The following AHCTF1 variants were observed in gnomAD, a reference collection of about 807,000 sequenced individuals.
The protein encoded by AHCTF1 is AT-hook containing transcription factor 1.
Under a neutral mutation model 248.4 loss-of-function variants are expected in AHCTF1, and 24 were observed. The observed-to-expected ratio is 0.10, with a 90% CI of 0.07 to 0.14. AHCTF1 has a LOEUF of 0.14. Among genes scored for constraint, AHCTF1 ranks in the 10% least tolerant of loss-of-function variants. AHCTF1 has a pLI of 1.00. For synonymous variants in AHCTF1, 786 were observed against 929.8 expected (o/e 0.85, Z 2.81); for missense variants, 2,206 against 2,636.2 (o/e 0.84, Z 3.57).
chr1:246,868,957 G>C (rs1238268504), intron 24 of AHCTF1, among the ~76,000 whole-genome samples: 1 of 150,004 alleles, frequency 6.7e-6, no homozygotes, highest in South Asian at 2.1e-4. Flanking sequence ...CCATTCTCCT[G>C]CCTCAGCCTG....
At position 246,860,785 on chromosome 1, in the gene AHCTF1, G is replaced by T. The variant is rs1661481862; in HGVS notation, c.4132+114C>A. The T allele has an allele frequency of 3.6e-6, 5 of 1,384,042 alleles. No individual in the cohort carries two copies. In the East Asian group the frequency reaches 9.4e-5, roughly 26 times the overall value. The allele number at this position is 1,384,042 out of a possible 1,614,324, so 85.7% of individuals were successfully genotyped here. ...CCTCCCAAAGTGCTGAGATTAACTA[G>T]CATGAGCCACAGTACCTGGCTAGGA... On this transcript the variant is annotated intron_variant, in intron 29 of 35. Transcript: ENST00000648844.
At position 246,913,228 on chromosome 1, in the gene AHCTF1, T is replaced by C; in HGVS notation, c.556+4A>G. 6.3e-7 allele frequency: 1 copy of C among 1,590,008 alleles called. No homozygotes were observed. ...TTTTTGGTTTCAAGTAAAGAACTGA[T>C]TACCTGATGCTTCAACTTCATTTTG... On this transcript the variant is annotated splice_donor_region_variant and intron_variant, in intron 4 of 35. Coordinates refer to ENST00000648844, the MANE Select transcript of AHCTF1 (RefSeq NM_001323342.2).
At position 246,850,274 on chromosome 1, in the gene AHCTF1, A is replaced by G. The variant is rs184863324; in HGVS notation, c.5732T>C (p.Leu1911Ser). ...ATTTCCTGTATTTTCAGAAGCATCT[A>G]AATTAGTACTTCTCAATTTTCTGAT... ...RMIRKLRSTN[L>S]DASENTGNKQ... Residue 1911 changes from leucine to serine, a missense_variant, in exon 33 of 36, where the codon TTA (leucine) becomes TCA (serine). Leu to Ser is a moderately radical substitution (Grantham distance 145). This residue lies in a region of AHCTF1 where 469 missense variants were observed against 470.0 expected (regional missense o/e 1.00). Transcript: ENST00000648844. 740 of 1,613,950 alleles carry G rather than the reference A, an allele frequency of 4.6e-4. 7 individuals are homozygous for G. In the Middle Eastern group the frequency reaches 6.6e-3, roughly 14 times the overall value.
chr1:246,872,670 C>A (rs992307695), intron 24 of AHCTF1, among the ~76,000 whole-genome samples: 1 of 152,168 alleles, frequency 6.6e-6, no homozygotes, highest in Non-Finnish European at 1.5e-5. Context: ...CCAGGAAACT[C>A]AAAAACTGAC....
intron 17 of AHCTF1, among the ~76,000 whole-genome samples, chr1:246,889,411 CTT>C (rs1380329378): frequency 2.6e-5 from 4 of 152,118 alleles, no homozygotes; most frequent in Admixed American, 1.3e-4. Context: ...GACTTTATAA[CTT>C]ATATAACAAG....
rs746235389 is a variant in AHCTF1 at position 246,864,129 on chromosome 1, T to C, written c.3348-13A>G. 1.1e-4 allele frequency: 175 copies of C among 1,610,200 alleles called. No homozygotes were observed. The highest frequency in any genetic ancestry group is 1.5e-4 in the Non-Finnish European group (173 of 1,178,408). ...CAAATCTAGCAGTCTGTAATCAGAA[T>C]GCGCATTTATTGAGTTATACTGAAA... On this transcript the variant is annotated splice_polypyrimidine_tract_variant and intron_variant, in intron 26 of 35. Coordinates refer to ENST00000648844, the MANE Select transcript of AHCTF1 (RefSeq NM_001323342.2).
chr1:246,931,043 A>G, intron 1 of AHCTF1: 1 of 1,469,216 alleles, frequency 6.8e-7, no homozygotes, highest in South Asian at 1.3e-5. Flanking sequence ...CTTTTATTTT[A>G]AATCTCCTTG....
chr1:246,924,875 A>T (rs1355449136), intron 1 of AHCTF1, among the ~76,000 whole-genome samples: 1 of 150,300 alleles, frequency 6.7e-6, no homozygotes, highest in Admixed American at 6.7e-5. Flanking sequence ...AAAGGTGTGC[A>T]TCAATAGGAA....
At chr1:246,842,866 C>T (rs1027105307) in intron 34 of AHCTF1, 90 bp from the exon 35 acceptor site, 3 of 1,110,002 alleles carry the variant, frequency 2.7e-6, no homozygotes, top group Non-Finnish European at 3.9e-6. Context: ...TAGAGCCAAA[C>T]ACTGATGAAT....
At chr1:246,914,941 T>C (rs1315365104) in intron 3 of AHCTF1, among the ~76,000 whole-genome samples, 2 of 152,240 alleles carry the variant, frequency 1.3e-5, no homozygotes, top group East Asian at 3.8e-4. Flanking sequence ...CTCATCATTA[T>C]TTACCTGAAT....
At chr1:246,927,190 AG>A (rs1313889013) in intron 1 of AHCTF1, among the ~76,000 whole-genome samples, 2 of 151,334 alleles carry the variant, frequency 1.3e-5, no homozygotes, top group South Asian at 2.1e-4. Flanking sequence ...AAAAAAAAAA[AG>A]AAAGAAATAG....
Position 246,847,522 on chromosome 1 carries a change from T to C in AHCTF1, c.6391+2093A>G, listed in dbSNP as rs994657235. Among the ~76,000 whole-genome samples the C allele has an allele frequency of 2.6e-5, 4 of 152,176 alleles. No homozygotes were observed. The East Asian group carries it at 7.8e-4, about 30-fold the overall frequency. ...CATGTATTGTTTTTGTTTTGAGACG[T>C]GGTCTTGCTCTGTTGCCCAGGCTGG... On this transcript the variant is annotated intron_variant, in intron 33 of 35. Coordinates refer to ENST00000648844, the MANE Select transcript of AHCTF1 (RefSeq NM_001323342.2).
intron 23 of AHCTF1, among the ~76,000 whole-genome samples, chr1:246,876,456 T>A (rs1348035823): frequency 6.6e-6 from 1 of 152,202 alleles, no homozygotes; most frequent in Non-Finnish European, 1.5e-5. Context: ...TCAGGCAACA[T>A]TCTACTTCAC....
At chr1:246,846,863 C>T (rs956001650) in intron 33 of AHCTF1, among the ~76,000 whole-genome samples, 1 of 151,954 alleles carries the variant, frequency 6.6e-6, no homozygotes. Flanking sequence ...GCCATCCTCA[C>T]ACCTCAGCCT....
At chr1:246,847,058 G>A (rs371688921) in intron 33 of AHCTF1, among the ~76,000 whole-genome samples, 53 of 152,304 alleles carry the variant, frequency 3.5e-4, no homozygotes, top group African/African-American at 1.2e-3. Context: ...AGGCCAAGGC[G>A]GGTGGATTAT....
intron 21 of AHCTF1, among the ~76,000 whole-genome samples, chr1:246,884,520 A>C (rs1663674985): frequency 6.6e-6 from 1 of 152,214 alleles, no homozygotes; most frequent in South Asian, 2.1e-4. Flanking sequence ...GGTTGAATAA[A>C]ACCAGTAAAA....
chr1:246,877,975 A>G (rs1029730256), intron 21 of AHCTF1, among the ~76,000 whole-genome samples: 11 of 152,044 alleles, frequency 7.2e-5, no homozygotes, highest in African/African-American at 2.7e-4. Flanking sequence ...CGACAGGATT[A>G]TCTTGAAGGT....
At chr1:246,906,920 G>A (rs914745207) in intron 5 of AHCTF1, among the ~76,000 whole-genome samples, 4 of 152,252 alleles carry the variant, frequency 2.6e-5, no homozygotes, top group Non-Finnish European at 5.9e-5. Flanking sequence ...CACAGATGAT[G>A]ATTAGGAAGG....
At chr1:246,898,873 A>G (rs913694965) in intron 11 of AHCTF1, among the ~76,000 whole-genome samples, 5 of 152,192 alleles carry the variant, frequency 3.3e-5, no homozygotes, top group Non-Finnish European at 7.3e-5. Context: ...GGATCATCTG[A>G]GGTCAGGAGT....
Sources: gnomAD v4.1 joint callset for allele counts (sites outside exome capture counted in the v4.1 genomes callset) on GRCh38, gnomAD v4.1.1 for gene constraint, gnomAD v4.1.1 regional missense constraint, MANE v1.5 for transcripts, NCBI Gene and HGNC (gene_info 2026-07-23, HGNC 2026-07-21) for gene names.